Variants in ZNF804B observed in about 807,000 individuals in gnomAD.
ZNF804B encodes the protein zinc finger 804B.
In ZNF804B, 80 loss-of-function variants were observed where a neutral mutation model predicts 101.4. The ratio of observed to expected loss-of-function variants is 0.79; its 90% confidence interval spans 0.66 to 0.95. ZNF804B has a LOEUF of 0.95. ZNF804B is among the 40% of genes least tolerant of loss of function. The pLI, the probability that ZNF804B is intolerant of heterozygous loss-of-function variation, is 0.00. For synonymous variants in ZNF804B, 622 were observed against 558.8 expected (o/e 1.11, Z -1.59); for missense variants, 1,673 against 1,561.9 (o/e 1.07, Z -1.20).
chr7:88,918,009 A>G (rs536549487), intron 1 of ZNF804B, among the ~76,000 whole-genome samples: 6 of 152,216 alleles, frequency 3.9e-5, no homozygotes, highest in Non-Finnish European at 8.8e-5. Flanking sequence ...AAATAATATG[A>G]GAAATATGTG....
rs541701851 is a variant in ZNF804B, at chr7:89,280,899, A to C, written c.250-46445A>C. Among the ~76,000 whole-genome samples, 390 of 152,326 alleles carry C rather than the reference A, an allele frequency of 2.6e-3. 3 individuals carry two copies. Among genetic ancestry groups the C allele is most frequent in the African/African-American group, 9.1e-3 (377 of 41,576 alleles). On this transcript the variant is annotated intron_variant, in intron 2 of 3. Coordinates refer to ENST00000333190, the MANE Select transcript of ZNF804B (RefSeq NM_181646.5). ...AAAAAGAGGGAATCCTCCCTAACTCATTTTATAAAGGAGTTTTTTTCAAGA... is the reference window on the plus strand; with the variant it reads ...AAAAAGAGGGAATCCTCCCTAACTCCTTTTATAAAGGAGTTTTTTTCAAGA...
At chr7:88,785,141 A>AG (rs1562792844) in intron 1 of ZNF804B, among the ~76,000 whole-genome samples, 1 of 152,116 alleles carries the variant, frequency 6.6e-6, no homozygotes, top group African/African-American at 2.4e-5. Flanking sequence ...GATGATTCTC[A>AG]GACACCTCAA....
chr7:89,202,191 CAATTTTAAAAATAATTTTAGGTGTG>C (rs1166661949), intron 1 of ZNF804B, among the ~76,000 whole-genome samples: 1 of 152,074 alleles, frequency 6.6e-6, no homozygotes, highest in African/African-American at 2.4e-5. Context: ...AATGTGAAGA[CAATTTTAAAAATAATTTTAGGTGTG>C]AATTCTTTTA....
intron 1 of ZNF804B, among the ~76,000 whole-genome samples, chr7:89,069,538 A>G (rs1789503706): frequency 1.3e-5 from 2 of 152,148 alleles, no homozygotes; most frequent in Non-Finnish European, 2.9e-5. Context: ...TAATTATATC[A>G]CATAAAAATT....
intron 2 of ZNF804B, among the ~76,000 whole-genome samples, chr7:89,315,304 T>G (rs1280172378): frequency 1.3e-5 from 2 of 152,130 alleles, no homozygotes; most frequent in African/African-American, 4.8e-5. Flanking sequence ...AGGCCGCAGC[T>G]CCACCACTGG....
At chr7:89,230,549 G>C (rs1044212918) in intron 2 of ZNF804B, among the ~76,000 whole-genome samples, 1 of 152,132 alleles carries the variant, frequency 6.6e-6, no homozygotes, top group Non-Finnish European at 1.5e-5. Context: ...AAGTAAATAA[G>C]ACGGTATGGT....
intron 2 of ZNF804B, among the ~76,000 whole-genome samples, chr7:89,264,653 T>C (rs776454296): frequency 3.9e-5 from 6 of 152,176 alleles, no homozygotes; most frequent in Non-Finnish European, 8.8e-5. Flanking sequence ...GGTTCTGCCT[T>C]TGTCCCTCAC....
intron 1 of ZNF804B, among the ~76,000 whole-genome samples, chr7:89,083,634 C>A (rs999552535): frequency 1.3e-5 from 2 of 151,838 alleles, no homozygotes; most frequent in East Asian, 3.9e-4. Context: ...AAAACCGTTA[C>A]ACTTTGGAAA....
chr7:89,255,502 G>T (rs1210047242), intron 2 of ZNF804B, among the ~76,000 whole-genome samples: 6 of 152,240 alleles, frequency 3.9e-5, no homozygotes, highest in Admixed American at 2.6e-4. Context: ...GGCGTTGCTG[G>T]TTAGTGTGGG....
intron 1 of ZNF804B, among the ~76,000 whole-genome samples, chr7:89,058,083 G>C (rs973627021): frequency 1.5e-4 from 23 of 152,134 alleles, no homozygotes; most frequent in African/African-American, 5.5e-4. Context: ...CATTAACATA[G>C]CAGCCCATTT....
At chr7:88,842,988 A>G (rs890343420) in intron 1 of ZNF804B, among the ~76,000 whole-genome samples, 2 of 152,232 alleles carry the variant, frequency 1.3e-5, no homozygotes, top group African/African-American at 2.4e-5. Flanking sequence ...TCCTTAAATT[A>G]TAGGAAAAAA....
At chr7:89,301,324 AGTCG>A (rs879405344) in intron 2 of ZNF804B, among the ~76,000 whole-genome samples, 5,953 of 151,726 alleles carry the variant, frequency 0.039, 193 homozygotes, top group African/African-American at 0.08. Flanking sequence ...AGTGGCCTGC[AGTCG>A]TTGATCTTGA....
intron 1 of ZNF804B, among the ~76,000 whole-genome samples, chr7:88,941,292 T>C (rs1793050813): frequency 6.6e-6 from 1 of 152,030 alleles, no homozygotes; most frequent in South Asian, 2.1e-4. Flanking sequence ...AAAACATATG[T>C]CTGCACAAAA....
chr7:88,835,630 T>A (rs1308139508), intron 1 of ZNF804B, among the ~76,000 whole-genome samples: 1 of 151,820 alleles, frequency 6.6e-6, no homozygotes, highest in African/African-American at 2.4e-5. Context: ...ACAATAAAAT[T>A]TGCAATGGTG....
At chr7:89,202,759 G>C (rs557060870) in intron 1 of ZNF804B, among the ~76,000 whole-genome samples, 6 of 152,142 alleles carry the variant, frequency 3.9e-5, no homozygotes, top group African/African-American at 1.4e-4. Flanking sequence ...TTCCAGATCT[G>C]CTATTTATCA....
intron 1 of ZNF804B, among the ~76,000 whole-genome samples, chr7:89,031,063 T>C (rs1788824928): frequency 6.6e-6 from 1 of 151,976 alleles, no homozygotes; most frequent in Admixed American, 6.6e-5. Context: ...GAGAAATACC[T>C]AATGTAAATG....
intron 1 of ZNF804B, among the ~76,000 whole-genome samples, chr7:89,047,155 T>A (rs562082988): frequency 6.6e-6 from 1 of 152,260 alleles, no homozygotes; most frequent in Non-Finnish European, 1.5e-5. Flanking sequence ...AGCATTAACA[T>A]CTATGGGTGA....
chr7:89,193,647 A>AT (rs1226819392), intron 1 of ZNF804B, among the ~76,000 whole-genome samples: 1 of 151,862 alleles, frequency 6.6e-6, no homozygotes, highest in Non-Finnish European at 1.5e-5. Context: ...TGAACTCATC[A>AT]TTTTTTATGG....
intron 1 of ZNF804B, among the ~76,000 whole-genome samples, chr7:89,179,345 A>T (rs1304104038): frequency 6.6e-6 from 1 of 151,560 alleles, no homozygotes; most frequent in African/African-American, 2.4e-5. Flanking sequence ...GAATTCTTTT[A>T]TATTCTTTTT....
Sources: gnomAD v4.1 joint callset for allele counts (sites outside exome capture counted in the v4.1 genomes callset) on GRCh38, gnomAD v4.1.1 for gene constraint, MANE v1.5 for transcripts, NCBI Gene and HGNC (gene_info 2026-07-23, HGNC 2026-07-21) for gene names.